The following EXOC2 variants were observed in gnomAD, a reference collection of about 807,000 sequenced individuals.
EXOC2 encodes SEC5-like 1.
A neutral mutation model predicts 131.8 loss-of-function variants in EXOC2; 70 were observed. The ratio of observed to expected loss-of-function variants is 0.53; its 90% CI spans 0.44 to 0.65. The LOEUF (loss-of-function observed/expected upper bound fraction) is 0.65. Among genes scored for constraint, EXOC2 ranks in the 30% least tolerant of loss-of-function variants. The probability of loss-of-function intolerance (pLI) is 0.00; values close to 1 mark genes in which losing one functional copy is unlikely to be tolerated. For missense variants in EXOC2, 923 were observed against 1,108.6 expected, an observed-to-expected ratio of 0.83 and a Z score of 2.38; for synonymous variants, 411 against 398.4, an observed-to-expected ratio of 1.03 and a Z score of -0.38.
At chr6:690,516 C>T (rs917574330) in intron 1 of EXOC2, among the ~76,000 whole-genome samples, 5 of 151,898 alleles carry the variant, frequency 3.3e-5, no homozygotes, top group Non-Finnish European at 5.9e-5. Flanking sequence ...ACGAGGATCG[C>T]GACGGTGAAA....
chr6:608,207 T>A (rs1327435179), intron 7 of EXOC2, among the ~76,000 whole-genome samples: 2 of 152,362 alleles, frequency 1.3e-5, no homozygotes, highest in East Asian at 3.9e-4. Flanking sequence ...TGAAGTCTGA[T>A]AACTACGAAC....
At chr6:491,725 T>TCCTTA (rs1763446914) in intron 25 of EXOC2, among the ~76,000 whole-genome samples, 1 of 152,208 alleles carries the variant, frequency 6.6e-6, no homozygotes, top group African/African-American at 2.4e-5. Flanking sequence ...GGCAAGCTGA[T>TCCTTA]TGTAAAATTC....
chr6:559,639 C>T (rs1468716481), intron 17 of EXOC2, among the ~76,000 whole-genome samples: 1 of 152,140 alleles, frequency 6.6e-6, no homozygotes, highest in Non-Finnish European at 1.5e-5. Context: ...GTTGCAGTTG[C>T]ACTACTTAAA....
chr6:607,216 C>T (rs566313962), intron 7 of EXOC2, among the ~76,000 whole-genome samples: 19 of 152,294 alleles, frequency 1.2e-4, no homozygotes, highest in African/African-American at 4.3e-4. Flanking sequence ...CTGAAACCTG[C>T]GCCTATCAAA....
intron 23 of EXOC2, among the ~76,000 whole-genome samples, chr6:508,514 C>G (rs995238635): frequency 1.4e-4 from 21 of 152,330 alleles, no homozygotes; most frequent in African/African-American, 5.1e-4. Context: ...TCTCCTGTTA[C>G]AGAGTGTCGT....
intron 18 of EXOC2, among the ~76,000 whole-genome samples, chr6:556,274 A>T (rs934898055): frequency 3.9e-5 from 6 of 152,130 alleles, no homozygotes; most frequent in African/African-American, 1.4e-4. Context: ...TATCACTGTA[A>T]CCACTCCACC....
At chr6:563,982 A>G in intron 16 of EXOC2, 51 bp downstream of exon 16, 2 of 1,594,386 alleles carry the variant, frequency 1.3e-6, no homozygotes, top group Non-Finnish European at 1.7e-6. Flanking sequence ...AGGAGGTGGC[A>G]CATTCAGATA....
chr6:600,274 T>A (rs1259422227), intron 7 of EXOC2, among the ~76,000 whole-genome samples: 1 of 152,220 alleles, frequency 6.6e-6, no homozygotes, highest in African/African-American at 2.4e-5. Flanking sequence ...AGATAACTGT[T>A]TTCACCACAT....
intron 12 of EXOC2, 62 bp from the exon 13 acceptor site, chr6:572,706 C>A (rs1364878430): frequency 6.4e-7 from 1 of 1,568,616 alleles, no homozygotes; most frequent in African/African-American, 1.4e-5. Flanking sequence ...CACCTTTGAG[C>A]ATATTGGCGC....
intron 22 of EXOC2, among the ~76,000 whole-genome samples, chr6:536,679 T>C (rs938425420): frequency 2.0e-5 from 3 of 152,156 alleles, no homozygotes; most frequent in African/African-American, 7.2e-5. Context: ...CAATGCAATA[T>C]TGGCATAAGG....
chr6:538,485 G>A (rs1252796861), intron 22 of EXOC2, among the ~76,000 whole-genome samples: 3 of 152,202 alleles, frequency 2.0e-5, no homozygotes, highest in African/African-American at 7.2e-5. Flanking sequence ...ATAAAGTGAT[G>A]TGTTTAAGGA....
Position 576,809 on chromosome 6 carries a change from A to C in EXOC2, c.1266T>G (p.Ser422Arg). The change falls in exon 12 of 28, where the codon AGT (serine) becomes AGG (arginine). Residue 422 changes from serine to arginine, a missense_variant. Transcript: ENST00000230449. ...TGCCCCTCTTCAGGGACGCTGTCTG[A>C]CTGAGATGGCCCAACACTGAGGGAC... ...DTRPSVLGHL[S>R]QTASLKRGSS... The C allele has an allele frequency of 6.2e-7, 1 of 1,614,128 alleles. No individual in the cohort carries two copies. Among genetic ancestry groups the C allele is most frequent in the Non-Finnish European group, 8.5e-7 (1 of 1,180,008 alleles).
intron 23 of EXOC2, among the ~76,000 whole-genome samples, chr6:516,629 A>G (rs1305175258): frequency 6.6e-6 from 1 of 152,262 alleles, no homozygotes; most frequent in African/African-American, 2.4e-5. Flanking sequence ...CACCAAATGT[A>G]GCCAAGACCA....
At chr6:669,121 C>G (rs1202425014) in intron 1 of EXOC2, 2 of 152,342 alleles carry the variant, frequency 1.3e-5, no homozygotes, top group Non-Finnish European at 2.9e-5. Context: ...ATCTCCTGCA[C>G]CATGTCCTTG....
At chr6:617,576 C>T (rs1205686763) in intron 6 of EXOC2, 135 bp downstream of exon 6, 2 of 1,268,108 alleles carry the variant, frequency 1.6e-6, no homozygotes, top group Admixed American at 5.3e-5. Flanking sequence ...TACTCTGCAA[C>T]AAATATTTAT....
chr6:668,784 A>C (rs899477987), intron 1 of EXOC2, among the ~76,000 whole-genome samples: 2 of 152,154 alleles, frequency 1.3e-5, no homozygotes, highest in Non-Finnish European at 2.9e-5. Flanking sequence ...TATAACCCAC[A>C]CACATCCACC....
chr6:607,875 A>C (rs1760503949), intron 7 of EXOC2, among the ~76,000 whole-genome samples: 1 of 152,248 alleles, frequency 6.6e-6, no homozygotes, highest in Non-Finnish European at 1.5e-5. Flanking sequence ...ACAATTTCAA[A>C]AGAAAGTGTC....
intron 17 of EXOC2, among the ~76,000 whole-genome samples, chr6:560,581 T>A (rs1304263512): frequency 6.6e-6 from 1 of 152,252 alleles, no homozygotes; most frequent in African/African-American, 2.4e-5. Flanking sequence ...TTCTGCCTTT[T>A]GTGCAGGTGG....
intron 23 of EXOC2, among the ~76,000 whole-genome samples, chr6:532,166 C>T (rs974739555): frequency 2.0e-5 from 3 of 152,218 alleles, no homozygotes; most frequent in Non-Finnish European, 4.4e-5. Flanking sequence ...CACAATCACT[C>T]TATTGTATCT....
Sources: allele counts gnomAD v4.1 joint callset (sites outside exome capture counted in the v4.1 genomes callset), GRCh38; gene constraint gnomAD v4.1.1; transcripts MANE v1.5; gene names NCBI Gene and HGNC (gene_info 2026-07-23, HGNC 2026-07-21).